The following DCHS2 variants were observed in gnomAD, a reference collection of about 807,000 sequenced individuals.
DCHS2 encodes the protein protocadherin-23.
A neutral mutation model predicts 182.4 loss-of-function variants in DCHS2; 142 were observed. The observed-to-expected ratio is 0.78, with a 90% CI of 0.68 to 0.89. DCHS2 has a LOEUF of 0.89. DCHS2 is among the 40% of genes least tolerant of loss of function. The pLI is 0.00. For missense variants in DCHS2, 4,319 were observed against 4,198.6 expected, an observed-to-expected ratio of 1.03 and a Z score of -0.79; for synonymous variants, 1,740 against 1,663.3, an observed-to-expected ratio of 1.05 and a Z score of -1.12.
At chr4:154,289,003 T>A (rs1734533258) in intron 13 of DCHS2, among the ~76,000 whole-genome samples, 1 of 151,840 alleles carries the variant, frequency 6.6e-6, no homozygotes, top group South Asian at 2.1e-4. Context: ...AATCTAACAA[T>A]GCATCTTAAA....
chr4:154,269,888 G>T lies in DCHS2; in HGVS notation c.6577+12C>A. The T allele has an allele frequency of 3.7e-6, 6 of 1,607,648 alleles. No homozygotes were observed. The highest frequency in any genetic ancestry group is 5.1e-6 in the Non-Finnish European group (6 of 1,177,840). On this transcript the variant is annotated intron_variant, in intron 14 of 19. Transcript: ENST00000357232. ...CAGAAAATAAAGCTAGTATAGGGTAGAGAAGGATTACCTGACTTAGAGCAC... is the reference window on the plus strand; with the variant it reads ...CAGAAAATAAAGCTAGTATAGGGTATAGAAGGATTACCTGACTTAGAGCAC...
chr4:154,316,016 T>G (rs72956078), intron 9 of DCHS2, 29 bp from the exon 10 acceptor site: 2 of 1,611,220 alleles, frequency 1.2e-6, no homozygotes, highest in Non-Finnish European at 1.7e-6. Context: ...AAAAGCAACA[T>G]GTAATGAATA....
intron 1 of DCHS2, among the ~76,000 whole-genome samples, chr4:154,390,467 T>C (rs1312908971): frequency 6.6e-6 from 1 of 151,730 alleles, no homozygotes; most frequent in Non-Finnish European, 1.5e-5. Flanking sequence ...TGACTAATGC[T>C]CAAAAGTTAC....
intron 1 of DCHS2, among the ~76,000 whole-genome samples, chr4:154,423,919 T>A (rs1009273430): frequency 1.3e-5 from 2 of 152,182 alleles, no homozygotes; most frequent in African/African-American, 2.4e-5. Flanking sequence ...ATACTGCTGG[T>A]CCAGGGACCA....
chr4:154,430,864 A>G (rs1000691704), intron 1 of DCHS2, among the ~76,000 whole-genome samples: 1 of 152,186 alleles, frequency 6.6e-6, no homozygotes, highest in African/African-American at 2.4e-5. Context: ...CCACTTCTGA[A>G]ATAAATCAAG....
chr4:154,491,615 A>G lies in DCHS2; in HGVS notation c.-260T>C. 1 of 1,320,188 alleles carries G rather than the reference A, an allele frequency of 7.6e-7. No individual in the cohort carries two copies. Among genetic ancestry groups the G allele is most frequent in the Non-Finnish European group, 9.6e-7 (1 of 1,041,176 alleles). 81.8% of individuals were successfully genotyped at this position (1,320,188 alleles called of 1,614,324 possible). On this transcript the variant is annotated 5_prime_UTR_variant, in exon 1 of 20. Coordinates refer to ENST00000357232, the MANE Select transcript of DCHS2 (RefSeq NM_001358235.2). ...CCTCTTCTGCCCCTGGATTTCTTTA[A>G]ACGAATCTCATCTCTTTTTCTCTCT...
chr4:154,487,070 C>A (rs3857092), intron 1 of DCHS2, among the ~76,000 whole-genome samples: 80,143 of 151,964 alleles, frequency 0.53, 21,623 homozygotes, highest in East Asian at 0.84. Context: ...TAAAGACAGG[C>A]TTTCATCAAA....
intron 1 of DCHS2, among the ~76,000 whole-genome samples, chr4:154,393,870 G>A (rs973451940): frequency 6.6e-6 from 1 of 152,044 alleles, no homozygotes; most frequent in African/African-American, 2.4e-5. Context: ...TTATTCTCAG[G>A]CAGGTACAAA....
chr4:154,369,612 A>C (rs1370470902), intron 2 of DCHS2, among the ~76,000 whole-genome samples: 1 of 152,210 alleles, frequency 6.6e-6, no homozygotes, highest in Non-Finnish European at 1.5e-5. Flanking sequence ...AAACTATATA[A>C]GATAATGAAT....
At chr4:154,476,265 C>T (rs1735674595) in intron 1 of DCHS2, among the ~76,000 whole-genome samples, 1 of 152,190 alleles carries the variant, frequency 6.6e-6, no homozygotes, top group Non-Finnish European at 1.5e-5. Flanking sequence ...AGATTATTAA[C>T]TTGAGACATT....
chr4:154,269,642 G>A (rs1330703032), intron 14 of DCHS2, among the ~76,000 whole-genome samples: 3 of 152,114 alleles, frequency 2.0e-5, no homozygotes, highest in Non-Finnish European at 4.4e-5. Context: ...TAAATTGTAA[G>A]TGGAAGCTAA....
intron 1 of DCHS2, chr4:154,384,221 CAA>C: frequency 7.6e-7 from 1 of 1,322,234 alleles, no homozygotes; most frequent in Non-Finnish European, 1.0e-6. Context: ...CACCAAGTTC[CAA>C]AGTCTAATGA....
chr4:154,440,405 T>TTC (rs1488343106), intron 1 of DCHS2, among the ~76,000 whole-genome samples: 1 of 152,252 alleles, frequency 6.6e-6, no homozygotes, highest in Non-Finnish European at 1.5e-5. Flanking sequence ...GGTGCTGATC[T>TTC]TCTATTCTTC....
chr4:154,334,266 C>G (rs574487739), intron 4 of DCHS2: 1 of 153,220 alleles, frequency 6.5e-6, no homozygotes, highest in African/African-American at 2.4e-5. Context: ...AGGACAAGCT[C>G]TTTGGAAAGG....
chr4:154,444,301 T>C (rs1372117613), intron 1 of DCHS2, among the ~76,000 whole-genome samples: 1 of 152,186 alleles, frequency 6.6e-6, no homozygotes, highest in Non-Finnish European at 1.5e-5. Context: ...GTTATCTCAC[T>C]TGGATATTTT....
Position 154,236,083 on chromosome 4 carries a change from T to A in DCHS2, c.8569A>T (p.Lys2857Ter). The A allele has an allele frequency of 6.2e-7, 1 of 1,613,790 alleles. No homozygotes were observed. Among genetic ancestry groups the A allele is most frequent in the Non-Finnish European group, 8.5e-7 (1 of 1,179,944 alleles). The change falls in exon 20 of 20, where the codon AAA (lysine) becomes TAA (stop). Residue 2857 changes from lysine to a stop codon, truncating the protein, a stop_gained. Coordinates refer to ENST00000357232, the MANE Select transcript of DCHS2 (RefSeq NM_001358235.2). LOFTEE classifies it low-confidence loss of function (END_TRUNC). ...KYCLTVQAKD[K>*]GDATASLVVW... The stretch of plus-strand genomic sequence containing the variant: ...ACTAAGGAGGCAGTTGCATCACCTT[T>A]GTCTTTGGCTTGGACTGTGAGGCAG...
chr4:154,321,522 T>C (rs1736061308), intron 8 of DCHS2, among the ~76,000 whole-genome samples: 4 of 152,148 alleles, frequency 2.6e-5, no homozygotes, highest in Admixed American at 2.6e-4. Context: ...TTGTGATTCT[T>C]CAATGGGAAT....
At chr4:154,347,999 G>T (rs1051491035) in intron 3 of DCHS2, among the ~76,000 whole-genome samples, 2 of 151,948 alleles carry the variant, frequency 1.3e-5, no homozygotes, top group African/African-American at 4.9e-5. Flanking sequence ...TTTGCATGGG[G>T]TTTACAATGT....
At chr4:154,460,168 G>T (rs1734953494) in intron 1 of DCHS2, among the ~76,000 whole-genome samples, 1 of 152,184 alleles carries the variant, frequency 6.6e-6, no homozygotes, top group African/African-American at 2.4e-5. Context: ...AGTCTCCAAT[G>T]ATTTAATTAG....
Sources: gnomAD v4.1 joint callset for allele counts (sites outside exome capture counted in the v4.1 genomes callset) on GRCh38, gnomAD v4.1.1 for gene constraint, MANE v1.5 for transcripts, NCBI Gene and HGNC (gene_info 2026-07-23, HGNC 2026-07-21) for gene names.